Variants in RB1 observed in about 807,000 individuals in gnomAD.
RB1 encodes the protein retinoblastoma-associated protein.
In RB1, 18 loss-of-function variants were observed where a neutral mutation model predicts 135.4. The observed-to-expected ratio is 0.13, with a 90% CI of 0.09 to 0.20. The LOEUF (loss-of-function observed/expected upper bound fraction) is 0.20. Ranked by LOEUF, RB1 falls within the 10% of genes least tolerant of loss-of-function variation. RB1 has a pLI of 1.00. For missense variants in RB1, 868 were observed against 1,110.0 expected, an observed-to-expected ratio of 0.78 and a Z score of 3.10; for synonymous variants, 365 against 373.2, an observed-to-expected ratio of 0.98 and a Z score of 0.25.
At chr13:48,378,446 C>T (rs1158134856) in intron 13 of RB1, among the ~76,000 whole-genome samples, 1 of 152,134 alleles carries the variant, frequency 6.6e-6, no homozygotes, top group Non-Finnish European at 1.5e-5. Flanking sequence ...AACAATACCA[C>T]TGTCTTCTGC....
intron 13 of RB1, among the ~76,000 whole-genome samples, chr13:48,378,661 A>G (rs144213364): frequency 1.3e-5 from 2 of 152,082 alleles, no homozygotes; most frequent in East Asian, 3.9e-4. Context: ...AACCAGTAAC[A>G]TGTTCATTAT....
In RB1 at chr13:48,390,109, A is replaced by G. The variant is rs117789404; in HGVS notation, c.1695+8666A>G. Reference sequence around the variant, plus strand: ...CTGCAGTGAGCTGTGATTGCACCACAGCACACCAGCCTGGGTGGTAGAATG... The same window carrying G: ...CTGCAGTGAGCTGTGATTGCACCACGGCACACCAGCCTGGGTGGTAGAATG... On this transcript the variant is annotated intron_variant, in intron 17 of 26. Transcript: ENST00000267163. Among the ~76,000 whole-genome samples the G allele has an allele frequency of 5.1e-4, 78 of 152,250 alleles. No homozygotes were observed. The East Asian group carries it at 0.013, about 26-fold the overall frequency.
chr13:48,321,031 C>G (rs1020122675), intron 2 of RB1, among the ~76,000 whole-genome samples: 1 of 152,072 alleles, frequency 6.6e-6, no homozygotes. Flanking sequence ...AGCCAGTGTC[C>G]CCAAACGCCC....
intron 3 of RB1, among the ~76,000 whole-genome samples, chr13:48,344,041 T>C (rs1275724410): frequency 1.3e-5 from 2 of 152,206 alleles, no homozygotes; most frequent in Non-Finnish European, 2.9e-5. Flanking sequence ...TGACTATCTT[T>C]TGTTTCAGTT....
intron 17 of RB1, among the ~76,000 whole-genome samples, chr13:48,447,160 C>G (rs1949294302): frequency 6.6e-6 from 1 of 152,146 alleles, no homozygotes; most frequent in Non-Finnish European, 1.5e-5. Flanking sequence ...ATGATGACTC[C>G]TTGTCTTTTT....
At chr13:48,471,574 A>AT (rs1404439111) in intron 23 of RB1, among the ~76,000 whole-genome samples, 85 of 4,244 alleles carry the variant, frequency 0.02, 1 homozygote, top group African/African-American at 0.021. Flanking sequence ...AAATATAAAT[A>AT]AAAAAAAAAA....
intron 19 of RB1, among the ~76,000 whole-genome samples, chr13:48,456,890 G>T (rs958162034): frequency 3.3e-5 from 5 of 152,232 alleles, no homozygotes; most frequent in Non-Finnish European, 7.3e-5. Flanking sequence ...GCTTGGAGAC[G>T]CCAGAAACCA....
chr13:48,411,951 T>C (rs1238058177), intron 17 of RB1: 1 of 1,612,156 alleles, frequency 6.2e-7, no homozygotes, highest in African/African-American at 1.3e-5. Context: ...ACCCTGAGAG[T>C]GGGTAGACTG....
At chr13:48,392,515 T>TCA (rs1948618820) in intron 17 of RB1, among the ~76,000 whole-genome samples, 1 of 152,194 alleles carries the variant, frequency 6.6e-6, no homozygotes, top group African/African-American at 2.4e-5. Flanking sequence ...TTTTTTCTTC[T>TCA]GAGGTATCTA....
intron 17 of RB1, among the ~76,000 whole-genome samples, chr13:48,392,020 G>C (rs913671270): frequency 6.6e-6 from 1 of 152,168 alleles, no homozygotes; most frequent in African/African-American, 2.4e-5. Context: ...AAGGTCTTTT[G>C]CTGGGTATTG....
chr13:48,320,325 G>A (rs1240909544), intron 2 of RB1: 6 of 1,238,522 alleles, frequency 4.8e-6, no homozygotes, highest in African/African-American at 1.5e-5. Flanking sequence ...GCGTGCTGAT[G>A]AGCATCTGCA....
chr13:48,479,427 T>C (rs1412686283), intron 26 of RB1, among the ~76,000 whole-genome samples: 2 of 152,218 alleles, frequency 1.3e-5, no homozygotes, highest in Non-Finnish European at 2.9e-5. Context: ...ATCTCTAGAA[T>C]AGTGGCCTAC....
intron 1 of RB1, among the ~76,000 whole-genome samples, chr13:48,304,270 C>T (rs1460066928): frequency 6.7e-6 from 1 of 149,270 alleles, no homozygotes; most frequent in African/African-American, 2.5e-5. Flanking sequence ...TGACAGGTGT[C>T]GGGCGGGTGG....
intron 13 of RB1, among the ~76,000 whole-genome samples, chr13:48,378,404 A>G (rs1159657151): frequency 1.3e-5 from 2 of 152,084 alleles, no homozygotes; most frequent in East Asian, 3.9e-4. Context: ...GCAAACACAC[A>G]CATTAGCCTA....
At chr13:48,324,554 TG>T (rs1294179736) in intron 2 of RB1, among the ~76,000 whole-genome samples, 1 of 152,170 alleles carries the variant, frequency 6.6e-6, no homozygotes, top group African/African-American at 2.4e-5. Context: ...TTCTGTTTTA[TG>T]GCTGAATAAC....
intron 17 of RB1, among the ~76,000 whole-genome samples, chr13:48,451,099 C>T (rs931363731): frequency 2.0e-5 from 3 of 151,156 alleles, no homozygotes; most frequent in African/African-American, 7.3e-5. Context: ...ATTTGACCTC[C>T]TCTCTTCCTA....
chr13:48,374,814 A>G lies in RB1; in HGVS notation c.1215+1322A>G, dbSNP rs374937332. ...ACTTTTTTTTAAACTTGGAAACTAT[A>G]TGATCTTTTTTTATGTTTTTATACA... is the stretch of plus-strand genomic sequence containing the variant. On this transcript the variant is annotated intron_variant, in intron 12 of 26. Coordinates refer to ENST00000267163, the MANE Select transcript of RB1 (RefSeq NM_000321.3). Among the ~76,000 whole-genome samples the G allele has an allele frequency of 1.5e-4, 23 of 152,040 alleles. No individual in the cohort carries two copies. The East Asian group carries it at 1.5e-3, about 10-fold the overall frequency.
chr13:48,322,397 G>C (rs1352569414), intron 2 of RB1, among the ~76,000 whole-genome samples: 1 of 152,158 alleles, frequency 6.6e-6, no homozygotes, highest in Non-Finnish European at 1.5e-5. Flanking sequence ...AAAACTTGGT[G>C]AACTAATTTA....
At chr13:48,336,238 T>G (rs1367063159) in intron 2 of RB1, among the ~76,000 whole-genome samples, 2 of 152,196 alleles carry the variant, frequency 1.3e-5, no homozygotes, top group African/African-American at 4.8e-5. Context: ...TTCTATTGAT[T>G]GGAATAGTTT....
Sources: gnomAD v4.1 joint callset for allele counts (sites outside exome capture counted in the v4.1 genomes callset) on GRCh38, gnomAD v4.1.1 for gene constraint, MANE v1.5 for transcripts, NCBI Gene and HGNC (gene_info 2026-07-23, HGNC 2026-07-21) for gene names.